Variants in NUMB observed in about 807,000 individuals in gnomAD.
NUMB encodes the protein protein numb homolog.
Under a neutral mutation model 59.7 loss-of-function variants are expected in NUMB, and 29 were observed. The observed-to-expected ratio is 0.49, with a 90% CI of 0.36 to 0.66. NUMB has a LOEUF of 0.66. NUMB is among the 30% of genes least tolerant of loss of function. NUMB has a pLI of 0.00. For missense variants in NUMB, 723 were observed against 822.0 expected (o/e 0.88, Z 1.47); for synonymous variants, 288 against 288.2 (o/e 1.00, Z 0.01).
intron 6 of NUMB, among the ~76,000 whole-genome samples, chr14:73,303,808 C>T (rs542114972): frequency 1.3e-5 from 2 of 151,798 alleles, no homozygotes; most frequent in Admixed American, 6.6e-5. Context: ...CAAAGAAAAC[C>T]GATCTAACAT....
At chr14:73,442,784 T>C (rs1466137588) in intron 1 of NUMB, among the ~76,000 whole-genome samples, 1 of 152,188 alleles carries the variant, frequency 6.6e-6, no homozygotes, top group African/African-American at 2.4e-5. Flanking sequence ...TTACAAAAGG[T>C]AGAAAACTTT....
chr14:73,421,907 G>A (rs948584684), intron 1 of NUMB, among the ~76,000 whole-genome samples: 1 of 152,156 alleles, frequency 6.6e-6, no homozygotes, highest in Non-Finnish European at 1.5e-5. Flanking sequence ...GGGAGGCCGA[G>A]GTGGGTGGAT....
chr14:73,442,039 T>C (rs1441559687), intron 1 of NUMB, among the ~76,000 whole-genome samples: 2 of 151,748 alleles, frequency 1.3e-5, no homozygotes, highest in Non-Finnish European at 2.9e-5. Flanking sequence ...CCACTACTTA[T>C]GGGCATATAC....
At chr14:73,302,237 T>C (rs906963300) in intron 6 of NUMB, among the ~76,000 whole-genome samples, 1 of 152,326 alleles carries the variant, frequency 6.6e-6, no homozygotes, top group African/African-American at 2.4e-5. Context: ...ATACGAATTC[T>C]TGTATTTGTT....
At chr14:73,334,008 G>GC (rs939048193) in intron 4 of NUMB, among the ~76,000 whole-genome samples, 14 of 151,810 alleles carry the variant, frequency 9.2e-5, no homozygotes, top group African/African-American at 3.4e-4. Context: ...GGGACCACAG[G>GC]CATCTGCCAC....
chr14:73,378,851 C>A (rs1164631453), intron 2 of NUMB, among the ~76,000 whole-genome samples: 3 of 152,096 alleles, frequency 2.0e-5, no homozygotes, highest in Non-Finnish European at 4.4e-5. Flanking sequence ...TTGTCCAAAT[C>A]CAGGGAATGT....
chr14:73,418,366 G>A (rs532605284), intron 1 of NUMB, among the ~76,000 whole-genome samples: 93 of 152,268 alleles, frequency 6.1e-4, no homozygotes, highest in Middle Eastern at 3.4e-3. Context: ...TAATGGGCCC[G>A]TGCCCATTTC....
At chr14:73,333,451 C>T (rs1213763124) in intron 4 of NUMB, among the ~76,000 whole-genome samples, 1 of 151,716 alleles carries the variant, frequency 6.6e-6, no homozygotes, top group Non-Finnish European at 1.5e-5. Context: ...AGGCTGATCT[C>T]GAACTCCTGG....
chr14:73,440,011 C>G (rs1255478098), intron 1 of NUMB, among the ~76,000 whole-genome samples: 3 of 152,028 alleles, frequency 2.0e-5, no homozygotes, highest in Non-Finnish European at 4.4e-5. Flanking sequence ...TCATTTATAA[C>G]CTATTCTTGC....
rs55831976 is a variant in NUMB at position 73,390,638 on chromosome 14, C to CTTTTTTTTTTTTTT, written c.-101+19285_-101+19298dup. On this transcript the variant is annotated intron_variant, in intron 2 of 12. Coordinates refer to ENST00000555238, the MANE Select transcript of NUMB (RefSeq NM_001005743.2). ...ATTTCCTTGAGGACAAAAACAAAGTCTTTTTTTTTTTTTTTTTTTTTTTTT... is the reference window on the plus strand; with the variant it reads ...ATTTCCTTGAGGACAAAAACAAAGTCTTTTTTTTTTTTTTTTTTTTTTTTTTTTTTTTTTTTTTT... Among the ~76,000 whole-genome samples the CTTTTTTTTTTTTTT allele has an allele frequency of 1.2e-3, 48 of 39,410 alleles. 6 individuals are homozygous for CTTTTTTTTTTTTTT. Among genetic ancestry groups the CTTTTTTTTTTTTTT allele is most frequent in the Non-Finnish European group, 2.1e-3 (44 of 21,178 alleles). 25.9% of individuals were successfully genotyped at this position (39,410 alleles called of 152,430 possible).
chr14:73,328,926 T>C (rs145654989), intron 4 of NUMB, among the ~76,000 whole-genome samples: 58 of 152,310 alleles, frequency 3.8e-4, no homozygotes, highest in African/African-American at 1.3e-3. Flanking sequence ...GGGTGTGCAA[T>C]GGCGTGATCT....
chr14:73,436,405 C>T (rs1264966823), intron 1 of NUMB, among the ~76,000 whole-genome samples: 1 of 152,052 alleles, frequency 6.6e-6, no homozygotes, highest in Non-Finnish European at 1.5e-5. Context: ...CAACCTCTGC[C>T]CCCTGGGTTC....
At chr14:73,281,110 A>T (rs1167084677) in intron 11 of NUMB, among the ~76,000 whole-genome samples, 2 of 152,162 alleles carry the variant, frequency 1.3e-5, no homozygotes. Flanking sequence ...AAGGAAACTG[A>T]AATATTCAAT....
At chr14:73,379,393 A>G (rs2140073636) in intron 2 of NUMB, among the ~76,000 whole-genome samples, 1 of 152,338 alleles carries the variant, frequency 6.6e-6, no homozygotes, top group East Asian at 1.9e-4. Context: ...GTATTCTTCT[A>G]TAGAGATATA....
In NUMB at chr14:73,290,512, C is replaced by T. The variant is rs984085805; in HGVS notation, c.450+2222G>A. On this transcript the variant is annotated intron_variant, in intron 8 of 12. Coordinates refer to ENST00000555238, the MANE Select transcript of NUMB (RefSeq NM_001005743.2). ...ACCCATATCTGACTCAGAGCCTGAG[C>T]TCTTAGCATTTGTTTACACCAATGT... is the stretch of plus-strand genomic sequence containing the variant. Among the ~76,000 whole-genome samples, 26 of 152,232 alleles carry T rather than the reference C, an allele frequency of 1.7e-4. 1 individual carries two copies. The highest frequency in any genetic ancestry group is 6.0e-4 in the African/African-American group (25 of 41,460).
intron 3 of NUMB, among the ~76,000 whole-genome samples, chr14:73,363,774 C>G (rs1894201489): frequency 1.3e-5 from 2 of 151,964 alleles, no homozygotes; most frequent in South Asian, 4.2e-4. Context: ...CATAGCAAGA[C>G]CTCATCTCTA....
chr14:73,329,984 T>C (rs550177666), intron 4 of NUMB, among the ~76,000 whole-genome samples: 1 of 152,338 alleles, frequency 6.6e-6, no homozygotes, highest in South Asian at 2.1e-4. Context: ...TGTATTTACC[T>C]GCTTATTTCT....
intron 1 of NUMB, among the ~76,000 whole-genome samples, chr14:73,427,302 T>C (rs1434091988): frequency 6.6e-6 from 1 of 151,570 alleles, no homozygotes; most frequent in African/African-American, 2.4e-5. Flanking sequence ...TGAAATTTTG[T>C]AAAAATACAA....
intron 6 of NUMB, among the ~76,000 whole-genome samples, chr14:73,313,044 T>G (rs1239428343): frequency 6.6e-6 from 1 of 151,608 alleles, no homozygotes; most frequent in East Asian, 1.9e-4. Flanking sequence ...TGGAGTGCAG[T>G]GGTGTGATCT....
Sources: allele counts gnomAD v4.1 joint callset (sites outside exome capture counted in the v4.1 genomes callset), GRCh38; gene constraint gnomAD v4.1.1; transcripts MANE v1.5; gene names NCBI Gene and HGNC (gene_info 2026-07-23, HGNC 2026-07-21).